Variants in RNFT2 observed in about 807,000 individuals in gnomAD.
RNFT2 encodes E3 ubiquitin-protein ligase RNFT2.
A neutral mutation model predicts 53.0 loss-of-function variants in RNFT2; 36 were observed. The ratio of observed to expected loss-of-function variants is 0.68; its 90% CI spans 0.52 to 0.90. RNFT2 has a LOEUF of 0.90. Ranked by LOEUF, RNFT2 falls within the 40% of genes least tolerant of loss-of-function variation. RNFT2 has a pLI of 0.00. For synonymous variants in RNFT2, 260 were observed against 253.2 expected (o/e 1.03, Z -0.26); for missense variants, 514 against 585.6 (o/e 0.88, Z 1.26).
chr12:116,800,887 C>T (rs1051164849), intron 7 of RNFT2: 3 of 147,114 alleles, frequency 2.0e-5, no homozygotes, highest in African/African-American at 7.5e-5. Context: ...AAAACAGAGG[C>T]TCAGGGAGGC....
Position 116,754,030 on chromosome 12 carries a change from C to T in RNFT2, c.597C>T (p.Asn199=), listed in dbSNP as rs781459006. Residue 199 remains asparagine, a synonymous_variant, in exon 5 of 11, where the codon AAC becomes AAT. Transcript: ENST00000257575. Reference sequence around the variant, plus strand: ...TGGCCAGCACCTTCGCCTATGCCAACTCCACGCTTCGAGAACAGGTCTCAC... The same window carrying T: ...TGGCCAGCACCTTCGCCTATGCCAATTCCACGCTTCGAGAACAGGTCTCAC... ...IGMASTFAYA[N]STLREQVSLK... The T allele has an allele frequency of 6.2e-7, 1 of 1,613,914 alleles. No homozygotes were observed. The highest frequency in any genetic ancestry group is 1.1e-5 in the South Asian group (1 of 91,086).
At chr12:116,748,305 A>T (rs1872008182) in intron 3 of RNFT2, among the ~76,000 whole-genome samples, 1 of 152,170 alleles carries the variant, frequency 6.6e-6, no homozygotes, top group Admixed American at 6.5e-5. Flanking sequence ...CTGCAGGCCT[A>T]ACTCCGGGCT....
At chr12:116,828,289 A>G (rs1453611624) in intron 7 of RNFT2, among the ~76,000 whole-genome samples, 1 of 152,288 alleles carries the variant, frequency 6.6e-6, no homozygotes, top group Non-Finnish European at 1.5e-5. Flanking sequence ...ATTAAATTGT[A>G]GATTCTATTT....
chr12:116,832,636 T>C (rs1876735605), intron 7 of RNFT2, among the ~76,000 whole-genome samples: 1 of 152,138 alleles, frequency 6.6e-6, no homozygotes, highest in African/African-American at 2.4e-5. Context: ...CACTACAGAG[T>C]GGGTGTATTT....
chr12:116,747,964 G>A (rs1172335591), intron 3 of RNFT2, among the ~76,000 whole-genome samples: 1 of 152,182 alleles, frequency 6.6e-6, no homozygotes, highest in African/African-American at 2.4e-5. Context: ...GCCGAGGCGG[G>A]CAGATCACAT....
chr12:116,832,439 C>T (rs1004348642), intron 7 of RNFT2, among the ~76,000 whole-genome samples: 4 of 152,002 alleles, frequency 2.6e-5, no homozygotes, highest in South Asian at 2.1e-4. Flanking sequence ...TGTATAAATA[C>T]GCCATCATTT....
intron 7 of RNFT2, among the ~76,000 whole-genome samples, chr12:116,790,030 A>G (rs896576533): frequency 2.0e-5 from 3 of 152,098 alleles, no homozygotes; most frequent in Non-Finnish European, 4.4e-5. Flanking sequence ...ACCTCCTCTT[A>G]CAGCAACAGC....
chr12:116,789,933 G>GTGGA (rs113190899), intron 7 of RNFT2, among the ~76,000 whole-genome samples: 3 of 141,336 alleles, frequency 2.1e-5, no homozygotes, highest in Non-Finnish European at 4.6e-5. Flanking sequence ...TGGGAGGAGA[G>GTGGA]TGGATGGATG....
At chr12:116,763,841 C>A (rs1466520584) in intron 5 of RNFT2, among the ~76,000 whole-genome samples, 1 of 151,904 alleles carries the variant, frequency 6.6e-6, no homozygotes, top group African/African-American at 2.4e-5. Context: ...ATCCAGCAAT[C>A]CTACTACTAG....
chr12:116,818,673 C>CT (rs1307441409), intron 7 of RNFT2, among the ~76,000 whole-genome samples: 1 of 152,216 alleles, frequency 6.6e-6, no homozygotes, highest in Non-Finnish European at 1.5e-5. Flanking sequence ...AAGCCTTCCT[C>CT]TTTTTCTGGG....
chr12:116,826,947 G>A (rs953369272), intron 7 of RNFT2, among the ~76,000 whole-genome samples: 2 of 152,066 alleles, frequency 1.3e-5, no homozygotes, highest in African/African-American at 4.8e-5. Flanking sequence ...TAGGGGCTGG[G>A]TGTGGTGAAT....
At chr12:116,758,180 C>CT (rs1456405874) in intron 5 of RNFT2, among the ~76,000 whole-genome samples, 2 of 152,166 alleles carry the variant, frequency 1.3e-5, no homozygotes, top group African/African-American at 4.8e-5. Flanking sequence ...CATGAAATGC[C>CT]TTTTTCCACC....
intron 6 of RNFT2, among the ~76,000 whole-genome samples, chr12:116,773,324 A>C (rs1374679841): frequency 1.3e-5 from 2 of 152,172 alleles, no homozygotes; most frequent in East Asian, 1.9e-4. Context: ...AAAACATATC[A>C]ACTAAGGGCC....
At chr12:116,814,184 TC>T (rs1183834003) in intron 7 of RNFT2, among the ~76,000 whole-genome samples, 1 of 152,192 alleles carries the variant, frequency 6.6e-6, no homozygotes, top group Non-Finnish European at 1.5e-5. Flanking sequence ...CTAGGCACTT[TC>T]CATTCATCCA....
At chr12:116,819,049 C>T (rs906495252) in intron 7 of RNFT2, among the ~76,000 whole-genome samples, 2 of 152,194 alleles carry the variant, frequency 1.3e-5, no homozygotes, top group African/African-American at 4.8e-5. Flanking sequence ...TTCCTTTATC[C>T]CTCTGATCCC....
chr12:116,795,601 C>A (rs1423224521), intron 7 of RNFT2, among the ~76,000 whole-genome samples: 1 of 152,134 alleles, frequency 6.6e-6, no homozygotes, highest in Non-Finnish European at 1.5e-5. Context: ...CTCACGGCTA[C>A]TAGGGTAGAC....
At chr12:116,774,771 G>A (rs549340016) in intron 6 of RNFT2, among the ~76,000 whole-genome samples, 24 of 129,984 alleles carry the variant, frequency 1.8e-4, no homozygotes, top group Admixed American at 1.2e-3. Context: ...GTCAAGGTCC[G>A]GGTGGAGGGT....
At chr12:116,836,388 TC>T (rs983860997) in intron 10 of RNFT2, 106 bp downstream of exon 10, 2 of 946,380 alleles carry the variant, frequency 2.1e-6, no homozygotes, top group Admixed American at 4.2e-5. Context: ...TGGGGGGCAA[TC>T]CGGTTAAGAC....
intron 7 of RNFT2, among the ~76,000 whole-genome samples, chr12:116,820,068 T>G (rs928175462): frequency 6.6e-6 from 1 of 152,224 alleles, no homozygotes; most frequent in Non-Finnish European, 1.5e-5. Context: ...TCCTTGTTTC[T>G]TTTGCTTTTA....
Sources: gnomAD v4.1 joint callset for allele counts (sites outside exome capture counted in the v4.1 genomes callset) on GRCh38, gnomAD v4.1.1 for gene constraint, MANE v1.5 for transcripts, NCBI Gene and HGNC (gene_info 2026-07-23, HGNC 2026-07-21) for gene names.